PCSK6: variants seen among roughly 807,000 people sequenced by gnomAD.
PCSK6 encodes paired basic amino acid cleaving enzyme 4.
PCSK6 carries 85 observed loss-of-function variants against 123.3 expected under a neutral mutation model. That is an observed-to-expected ratio of 0.69 (90% CI 0.58 to 0.83). The LOEUF (loss-of-function observed/expected upper bound fraction) is 0.83, where lower values mean the gene tolerates loss of function less well. Among genes scored for constraint, PCSK6 ranks in the 40% least tolerant of loss-of-function variants. PCSK6 has a pLI of 0.00. For synonymous variants in PCSK6, 508 were observed against 516.0 expected (o/e 0.98, Z 0.21); for missense variants, 1,191 against 1,282.3 (o/e 0.93, Z 1.09).
chr15:101,403,204 A>T (rs1186955453), intron 6 of PCSK6, among the ~76,000 whole-genome samples: 2 of 143,032 alleles, frequency 1.4e-5, no homozygotes, highest in Non-Finnish European at 3.0e-5. Context: ...TCTCACTCAT[A>T]GGTGGGAATT....
At chr15:101,360,350 G>T (rs906908726) in intron 13 of PCSK6, among the ~76,000 whole-genome samples, 1 of 152,204 alleles carries the variant, frequency 6.6e-6, no homozygotes, top group African/African-American at 2.4e-5. Context: ...CCAAGTCCCT[G>T]TGAGGGCTGA....
In PCSK6 at chr15:101,402,991, A is replaced by G. The variant is rs999760508; in HGVS notation, c.824-4415T>C. Among the ~76,000 whole-genome samples, 31 of 152,276 alleles carry G rather than the reference A, an allele frequency of 2.0e-4. 1 individual carries two copies. The South Asian group carries it at 3.3e-3, about 16-fold the overall frequency. On this transcript the variant is annotated intron_variant, in intron 6 of 21. Transcript: ENST00000611716. ...GCACACATATGTTTATTGTGGCACT[A>G]TTCACAATAGCAAAGACTTGGAACC...
intron 6 of PCSK6, among the ~76,000 whole-genome samples, chr15:101,416,185 T>C (rs986447226): frequency 6.6e-6 from 1 of 152,198 alleles, no homozygotes; most frequent in Non-Finnish European, 1.5e-5. Flanking sequence ...GTAAGGTCCA[T>C]GGTCAGGTGG....
At chr15:101,436,680 G>A (rs2056610934) in intron 2 of PCSK6, among the ~76,000 whole-genome samples, 1 of 152,074 alleles carries the variant, frequency 6.6e-6, no homozygotes, top group South Asian at 2.1e-4. Context: ...ACCCTGCCTG[G>A]GCCTCTCCCT....
intron 18 of PCSK6, 30 bp from the exon 19 acceptor site, chr15:101,318,452 A>T: frequency 6.6e-7 from 1 of 1,520,336 alleles, no homozygotes; most frequent in Non-Finnish European, 8.9e-7. Context: ...AGATTTCCAC[A>T]TCCATTCCAA....
intron 12 of PCSK6, among the ~76,000 whole-genome samples, chr15:101,367,052 G>A (rs1033245420): frequency 5.9e-5 from 9 of 152,178 alleles, no homozygotes; most frequent in South Asian, 2.1e-4. Context: ...AGAGCGGGGG[G>A]AGGAGACAGC....
intron 3 of PCSK6, 64 bp from the exon 4 acceptor site, chr15:101,431,527 G>A (rs768119346): frequency 2.5e-5 from 40 of 1,599,184 alleles, no homozygotes; most frequent in East Asian, 1.1e-4. Flanking sequence ...ACTGACACTC[G>A]GTGCACACCC....
At position 101,329,632 on chromosome 15, in the gene PCSK6, T is replaced by A. The variant is rs762164204; in HGVS notation, c.2077+2019A>T. Among the ~76,000 whole-genome samples, 3 of 152,344 alleles carry A rather than the reference T, an allele frequency of 2.0e-5. No homozygotes were observed. The South Asian group carries it at 6.2e-4, about 32-fold the overall frequency. On this transcript the variant is annotated intron_variant, in intron 15 of 21. Coordinates refer to ENST00000611716, the MANE Select transcript of PCSK6 (RefSeq NM_002570.5). ...CACCCTCATCCTGTGAACTGTCTCC[T>A]GTACCGGTGGAGCTGCCCTGGAACT...
In PCSK6 at chr15:101,346,008, GA is replaced by G. The variant is rs1350416733; in HGVS notation, c.1859-13978del. Among the ~76,000 whole-genome samples the G allele has an allele frequency of 2.6e-5, 4 of 152,126 alleles. No homozygotes were observed. The East Asian group carries it at 5.8e-4, about 22-fold the overall frequency. ...GAAAAAACACAGTGCACAAACATTT[GA>G]AAAAAGGTTCACCTTTGTTAGTAAT... On this transcript the variant is annotated intron_variant, in intron 13 of 21. Transcript: ENST00000611716.
chr15:101,334,102 A>G (rs2040424543), intron 13 of PCSK6: 1 of 152,286 alleles, frequency 6.6e-6, no homozygotes, highest in South Asian at 2.1e-4. Flanking sequence ...GGCTCGGTTC[A>G]TTAAGCCCCA....
At chr15:101,362,941 T>C (rs1469174323) in intron 13 of PCSK6, among the ~76,000 whole-genome samples, 1 of 152,164 alleles carries the variant, frequency 6.6e-6, no homozygotes, top group East Asian at 1.9e-4. Flanking sequence ...GACCATAGGC[T>C]TGGGCAATGT....
chr15:101,370,255 GC>G (rs2041535580), intron 12 of PCSK6, 79 bp downstream of exon 12: 2 of 1,240,276 alleles, frequency 1.6e-6, no homozygotes, highest in Middle Eastern at 2.0e-4. Context: ...GACACTGTGG[GC>G]CCAAGACTGG....
chr15:101,366,976 G>A (rs776207329), intron 12 of PCSK6, among the ~76,000 whole-genome samples: 3 of 152,194 alleles, frequency 2.0e-5, no homozygotes, highest in Non-Finnish European at 4.4e-5. Context: ...TCTCAACAGG[G>A]GCATTTGAGG....
intron 6 of PCSK6, among the ~76,000 whole-genome samples, chr15:101,425,052 G>A (rs2056208635): frequency 6.6e-6 from 1 of 152,170 alleles, no homozygotes; most frequent in Admixed American, 6.5e-5. Flanking sequence ...AGCCCCAGGG[G>A]TGGCAGAGCA....
chr15:101,405,439 G>C (rs1167248753), intron 6 of PCSK6, among the ~76,000 whole-genome samples: 1 of 152,188 alleles, frequency 6.6e-6, no homozygotes, highest in Non-Finnish European at 1.5e-5. Context: ...GTGGAAGGAA[G>C]ATGGTTGCTT....
chr15:101,378,314 G>A (rs958747525), intron 11 of PCSK6, among the ~76,000 whole-genome samples: 10 of 152,294 alleles, frequency 6.6e-5, no homozygotes, highest in Admixed American at 3.3e-4. Flanking sequence ...GTAGGTCGAC[G>A]TGCCTCTGGT....
At chr15:101,379,847 G>GCT (rs1453567298) in intron 11 of PCSK6, among the ~76,000 whole-genome samples, 5 of 152,240 alleles carry the variant, frequency 3.3e-5, no homozygotes, top group Non-Finnish European at 5.9e-5. Context: ...CTGCAGGCAG[G>GCT]CTCAGTGGCA....
intron 13 of PCSK6, among the ~76,000 whole-genome samples, chr15:101,352,137 ATTTTTTTTTTTT>A (rs56844456): frequency 5.2e-5 from 5 of 97,012 alleles, no homozygotes; most frequent in Non-Finnish European, 9.6e-5. Context: ...TATTTTTCTA[ATTTTTTTTTTTT>A]TTTTTTTTTT....
chr15:101,349,513 C>T (rs1359674523), intron 13 of PCSK6, among the ~76,000 whole-genome samples: 2 of 152,200 alleles, frequency 1.3e-5, no homozygotes, highest in Admixed American at 1.3e-4. Flanking sequence ...TCTCTACCAG[C>T]TTCTCCAGGC....
Sources: allele counts gnomAD v4.1 joint callset (sites outside exome capture counted in the v4.1 genomes callset), GRCh38; gene constraint gnomAD v4.1.1; transcripts MANE v1.5; gene names NCBI Gene and HGNC (gene_info 2026-07-23, HGNC 2026-07-21).